The following ZBTB47 variants were observed in gnomAD, a reference collection of about 807,000 sequenced individuals.
ZBTB47 encodes zinc finger and BTB domain-containing protein 47.
A neutral mutation model predicts 56.6 loss-of-function variants in ZBTB47; 24 were observed. The observed-to-expected ratio is 0.42, with a 90% CI of 0.31 to 0.60. ZBTB47 has a LOEUF of 0.60. ZBTB47 is among the 20% of genes least tolerant of loss of function. The pLI is 0.14. For missense variants in ZBTB47, 829 were observed against 1,032.6 expected (o/e 0.80, Z 2.70); for synonymous variants, 414 against 418.9 (o/e 0.99, Z 0.14).
intron 5 of ZBTB47, 83 bp from the exon 6 acceptor site, chr3:42,664,154 G>A (rs1710754620): frequency 6.4e-7 from 1 of 1,556,652 alleles, no homozygotes; most frequent in Non-Finnish European, 8.7e-7. Context: ...CCCCACTATG[G>A]CTCCATGGGA....
rs1031554412 is a variant in ZBTB47 at position 42,658,992 on chromosome 3, G to A, written c.637G>A (p.Gly213Arg). Reference protein sequence around the residue: ...PPASLCKLEGGEELEEELGGS... With the variant: ...PPASLCKLEGREELEEELGGS... ...AGCCAGCTTGTGCAAGCTGGAGGGT[G>A]GAGAAGAGTTGGAGGAAGAGCTTGG... Residue 213 changes from glycine to arginine, a missense_variant, in exon 2 of 6, where the codon GGA becomes AGA. Around this residue, in one of 6 missense-constraint regions of ZBTB47, gnomAD observed 359 missense variants for 359.8 expected, o/e 1.00. Coordinates refer to ENST00000232974, the MANE Select transcript of ZBTB47 (RefSeq NM_145166.4). 36 of 1,527,454 alleles carry A rather than the reference G, an allele frequency of 2.4e-5. No individual in the cohort carries two copies. Among genetic ancestry groups the A allele is most frequent in the Non-Finnish European group, 3.0e-5 (34 of 1,142,834 alleles). 94.6% of individuals were successfully genotyped at this position (1,527,454 alleles called of 1,614,324 possible).
At position 42,659,339 on chromosome 3, in the gene ZBTB47, AGAG is replaced by A. The variant is rs751294873; in HGVS notation, c.993_995del (p.Glu335del). On this transcript the variant is annotated inframe_deletion, in exon 2 of 6. Transcript: ENST00000232974. ...ACGGGCACAGTGAGCAGGAAGAGGA[AGAG>A]GAGGAGGAAGAGGAGGAAGGGCCTA... The A allele has an allele frequency of 3.5e-5, 51 of 1,445,714 alleles. No individual in the cohort carries two copies. In the South Asian group the frequency reaches 3.9e-4, roughly 11 times the overall value. The allele number at this position is 1,445,714 out of a possible 1,614,324, so 89.6% of individuals were successfully genotyped here.
chr3:42,664,640 G>C lies in ZBTB47; in HGVS notation c.*42G>C, dbSNP rs1240008337. 1 of 1,387,950 alleles carries C rather than the reference G, an allele frequency of 7.2e-7. No individual in the cohort carries two copies. The highest frequency in any genetic ancestry group is 1.5e-5 in the African/African-American group (1 of 65,046). 86.0% of individuals were successfully genotyped at this position (1,387,950 alleles called of 1,614,324 possible). On this transcript the variant is annotated 3_prime_UTR_variant, in exon 6 of 6. Coordinates refer to ENST00000232974, the MANE Select transcript of ZBTB47 (RefSeq NM_145166.4). Reference sequence around the variant, plus strand: ...GTGCACCCGCTGGGGCCTGGAGTCAGGGCCCACTCCAGGAGGGACCCACTG... The same window carrying C: ...GTGCACCCGCTGGGGCCTGGAGTCACGGCCCACTCCAGGAGGGACCCACTG...
chr3:42,659,622 G>A lies in ZBTB47; in HGVS notation c.1267G>A (p.Gly423Arg). 1 of 1,610,644 alleles carries A rather than the reference G, an allele frequency of 6.2e-7. No individual in the cohort carries two copies. Residue 423 changes from glycine (G) to arginine (R), a missense_variant, in exon 2 of 6, where the codon GGG (glycine) becomes AGG (arginine). This residue lies in a region of ZBTB47 where 187 missense variants were observed against 253.1 expected (regional missense o/e 0.74). Transcript: ENST00000232974. ...GGCCCGAGGGCCGCCAGCCACTGAT[G>A]GGCTGGGGGCCAAGGTGAAGCTGGA... ...ASARGPPATD[G>R]LGAKVKLEEK...
rs1710785633 is a variant in ZBTB47, at chr3:42,666,108, C to G, written c.*1510C>G. Among the ~76,000 whole-genome samples, 1 of 152,202 alleles carries G rather than the reference C, an allele frequency of 6.6e-6. No homozygotes were observed. Among genetic ancestry groups the G allele is most frequent in the Non-Finnish European group, 1.5e-5 (1 of 68,034 alleles). On this transcript the variant is annotated 3_prime_UTR_variant, in exon 6 of 6. Transcript: ENST00000232974. ...AGGCCCATGGCACTGGGGCAGGGAG[C>G]TGGGGACATTTTAATCATCAATAAA...
intron 3 of ZBTB47, among the ~76,000 whole-genome samples, chr3:42,662,492 C>T (rs1326380536): frequency 6.6e-6 from 1 of 152,204 alleles, no homozygotes; most frequent in Non-Finnish European, 1.5e-5. Flanking sequence ...CTCACCCATC[C>T]GTGGGTGCTG....
In ZBTB47 at chr3:42,663,680, C is replaced by A; in HGVS notation, c.1738-117C>A. ...TTGCCCTCATGTCCCCATCTCCTTG[C>A]CCAGGAGCCCCTGAGTGTGTCCCTC... On this transcript the variant is annotated intron_variant, in intron 4 of 5. Coordinates refer to ENST00000232974, the MANE Select transcript of ZBTB47 (RefSeq NM_145166.4). The surrounding 1 kb of genome is among the most constrained non-coding windows in gnomAD (Gnocchi z 5.1). The A allele has an allele frequency of 7.4e-7, 1 of 1,357,580 alleles. No homozygotes were observed. The highest frequency in any genetic ancestry group is 1.0e-6 in the Non-Finnish European group (1 of 996,170). The allele number at this position is 1,357,580 out of a possible 1,614,324, so 84.1% of individuals were successfully genotyped here. A position where few individuals can be genotyped will look rare whatever the true frequency, so the allele number is the denominator to read the frequency against.
Position 42,654,832 on chromosome 3 carries a change from T to C in ZBTB47, c.-82+949T>C, listed in dbSNP as rs991897181. ...CCCCCGGTCTCCCGGCTCCATCTGCTGGGTCCCGCGGGCCGGGAATGCGGC... is the reference window on the plus strand; with the variant it reads ...CCCCCGGTCTCCCGGCTCCATCTGCCGGGTCCCGCGGGCCGGGAATGCGGC... On this transcript the variant is annotated intron_variant, in intron 1 of 5. Transcript: ENST00000232974. This position sits in a 1 kb window ranked among gnomAD's most constrained non-coding sequence, Gnocchi z 5.0. The C allele has an allele frequency of 2.4e-5, 11 of 457,956 alleles. No individual in the cohort carries two copies. The highest frequency in any genetic ancestry group is 2.9e-5 in the Non-Finnish European group (10 of 348,640). 28.4% of individuals were successfully genotyped at this position (457,956 alleles called of 1,614,324 possible).
rs2290977 is a variant in ZBTB47, at chr3:42,667,074, T to C, written c.*2476T>C. On this transcript the variant is annotated 3_prime_UTR_variant, in exon 6 of 6. Coordinates refer to ENST00000232974, the MANE Select transcript of ZBTB47 (RefSeq NM_145166.4). Reference sequence around the variant, plus strand: ...TAGGGGTTCCTGTTTTACTAGCTTTTACATCTTTTTATTTAAAACAAAACA... The same window carrying C: ...TAGGGGTTCCTGTTTTACTAGCTTTCACATCTTTTTATTTAAAACAAAACA... Among the ~76,000 whole-genome samples the C allele has an allele frequency of 4.0e-4, 61 of 152,374 alleles. No individual in the cohort carries two copies. The East Asian group carries it at 0.011, about 27-fold the overall frequency.
chr3:42,666,684 C>T lies in ZBTB47; in HGVS notation c.*2086C>T, dbSNP rs6785543. On this transcript the variant is annotated 3_prime_UTR_variant, in exon 6 of 6. Transcript: ENST00000232974. ...TACAGCCTGAGTAGGCCTGAGTGGC[C>T]GTGGCCAGGCTGAGACCTGTCAGGC... Among the ~76,000 whole-genome samples the T allele has an allele frequency of 1.4e-3, 206 of 152,290 alleles. No homozygotes were observed. Among genetic ancestry groups the T allele is most frequent in the African/African-American group, 4.6e-3 (191 of 41,568 alleles).
In ZBTB47 at chr3:42,667,521, T is replaced by C. The variant is rs1252515706; in HGVS notation, c.*2923T>C. Reference sequence around the variant, plus strand: ...ACAGGCACCCCACAGCCCCAGAGCATGGGGCACAGCAGGCATGCGAGTGAG... The same window carrying C: ...ACAGGCACCCCACAGCCCCAGAGCACGGGGCACAGCAGGCATGCGAGTGAG... On this transcript the variant is annotated 3_prime_UTR_variant, in exon 6 of 6. Coordinates refer to ENST00000232974, the MANE Select transcript of ZBTB47 (RefSeq NM_145166.4). 6.6e-6 allele frequency among the ~76,000 whole-genome samples: 1 copy of C among 152,136 alleles called. No homozygotes were observed. Among genetic ancestry groups the C allele is most frequent in the Non-Finnish European group, 1.5e-5 (1 of 68,024 alleles).
chr3:42,662,949 GC>G, intron 3 of ZBTB47, 62 bp from the exon 4 acceptor site: 1 of 1,259,462 alleles, frequency 7.9e-7, no homozygotes, highest in Non-Finnish European at 1.2e-6. Context: ...CAGGGTCTGG[GC>G]CCAACGTCGG....
intron 3 of ZBTB47, 61 bp from the exon 4 acceptor site, chr3:42,662,951 C>T: frequency 1.5e-6 from 2 of 1,297,226 alleles, no homozygotes; most frequent in Non-Finnish European, 2.2e-6. Flanking sequence ...GGGTCTGGGC[C>T]CAACGTCGGG....
chr3:42,662,517 A>G lies in ZBTB47; in HGVS notation c.1622-495A>G, dbSNP rs116233427. Among the ~76,000 whole-genome samples, 329 of 152,268 alleles carry G rather than the reference A, an allele frequency of 2.2e-3. 1 individual carries two copies. Among genetic ancestry groups the G allele is most frequent in the African/African-American group, 7.7e-3 (320 of 41,562 alleles). On this transcript the variant is annotated intron_variant, in intron 3 of 5. Coordinates refer to ENST00000232974, the MANE Select transcript of ZBTB47 (RefSeq NM_145166.4). ...CGTGGGTGCTGGGAGGAGTGCAGCT[A>G]ACTTCCTCCAGACTGCTGGCTAGGG...
Position 42,664,711 on chromosome 3 carries a change from T to G in ZBTB47, c.*113T>G. 8.0e-7 allele frequency: 1 copy of G among 1,245,634 alleles called. No individual in the cohort carries two copies. The highest frequency in any genetic ancestry group is 2.4e-5 in the South Asian group (1 of 42,288). 77.2% of individuals were successfully genotyped at this position (1,245,634 alleles called of 1,614,324 possible). On this transcript the variant is annotated 3_prime_UTR_variant, in exon 6 of 6. Coordinates refer to ENST00000232974, the MANE Select transcript of ZBTB47 (RefSeq NM_145166.4). ...GTGCGGGCCTGGGCCCTGCTCCACCTCCAGAAGTGGCTGGATGTACCCTGC... is the reference window on the plus strand; with the variant it reads ...GTGCGGGCCTGGGCCCTGCTCCACCGCCAGAAGTGGCTGGATGTACCCTGC...
chr3:42,664,353 C>T lies in ZBTB47; in HGVS notation c.1999C>T (p.Gln667Ter), dbSNP rs1710757241. Residue 667 changes from glutamine (Q) to a stop codon, truncating the protein, a stop_gained, in exon 6 of 6, where the codon CAG becomes TAG. Coordinates refer to ENST00000232974, the MANE Select transcript of ZBTB47 (RefSeq NM_145166.4). LOFTEE classifies it low-confidence loss of function (END_TRUNC). ...GCCGTACCCGTGCGACGTGTGTGGC[C>T]AGCGCTTCCGCTTCTCCAACATGCT... ...EKPYPCDVCGQRFRFSNMLKA... is the reference protein window; with the variant it reads ...EKPYPCDVCG The T allele has an allele frequency of 6.2e-7, 1 of 1,612,046 alleles. No individual in the cohort carries two copies. Among genetic ancestry groups the T allele is most frequent in the African/African-American group, 1.3e-5 (1 of 74,920 alleles).
rs1444498746 is a variant in ZBTB47 at position 42,658,259 on chromosome 3, C to T, written c.-81-16C>T. 13 of 1,462,556 alleles carry T rather than the reference C, an allele frequency of 8.9e-6. No individual in the cohort carries two copies. In the Admixed American group the frequency reaches 1.4e-4, roughly 16 times the overall value. 90.6% of individuals were successfully genotyped at this position (1,462,556 alleles called of 1,614,324 possible). A position where few individuals can be genotyped will look rare whatever the true frequency, so the allele number is the denominator to read the frequency against. ...CCACTGGCCTTGACCCACTCCTGTG[C>T]CCTCTGTCCCCGCAGTTGCTGGTTG... is the stretch of plus-strand genomic sequence containing the variant. On this transcript the variant is annotated splice_polypyrimidine_tract_variant and intron_variant, in intron 1 of 5. Coordinates refer to ENST00000232974, the MANE Select transcript of ZBTB47 (RefSeq NM_145166.4).
At position 42,654,797 on chromosome 3, in the gene ZBTB47, C is replaced by A; in HGVS notation, c.-82+914C>A. 1 of 703,538 alleles carries A rather than the reference C, an allele frequency of 1.4e-6. No individual in the cohort carries two copies. Among genetic ancestry groups the A allele is most frequent in the Non-Finnish European group, 1.7e-6 (1 of 572,180 alleles). 43.6% of individuals were successfully genotyped at this position (703,538 alleles called of 1,614,324 possible). On this transcript the variant is annotated intron_variant, in intron 1 of 5. Coordinates refer to ENST00000232974, the MANE Select transcript of ZBTB47 (RefSeq NM_145166.4). This position sits in a 1 kb window ranked among gnomAD's most constrained non-coding sequence, Gnocchi z 5.0. ...GCCCGGGTGGAGGGGCTGGAGGGAT[C>A]TTCCCCCCTCCCCCGGTCTCCCGGC...
Position 42,656,250 on chromosome 3 carries a change from G to A in ZBTB47, c.-81-2025G>A, listed in dbSNP as rs546587804. Among the ~76,000 whole-genome samples the A allele has an allele frequency of 3.3e-5, 5 of 152,346 alleles. No homozygotes were observed. The highest frequency in any genetic ancestry group is 9.6e-5 in the African/African-American group (4 of 41,596). On this transcript the variant is annotated intron_variant, in intron 1 of 5. Transcript: ENST00000232974. This position sits in a 1 kb window ranked among gnomAD's most constrained non-coding sequence, Gnocchi z 5.8. ...GATAGTGGTGAGTGTGGGGAAGCAC[G>A]GCTGGTCTCCAGGTGGCGGGATGTT...
Sources: gnomAD v4.1 joint callset for allele counts (sites outside exome capture counted in the v4.1 genomes callset) on GRCh38, gnomAD v4.1.1 for gene constraint, gnomAD v4.1.1 regional missense constraint, Gnocchi (gnomAD v3.1) non-coding constraint, MANE v1.5 for transcripts, NCBI Gene and HGNC (gene_info 2026-07-23, HGNC 2026-07-21) for gene names.